The following ARHGAP42 variants were observed in gnomAD, a reference collection of about 807,000 sequenced individuals.
ARHGAP42 encodes Rho GTPase activating protein 42, also known as rho GTPase-activating protein 42.
ARHGAP42 carries 63 observed loss-of-function variants against 125.0 expected under a neutral mutation model. The ratio of observed to expected loss-of-function variants is 0.50; its 90% CI spans 0.41 to 0.62. The LOEUF is 0.62. ARHGAP42 is among the 20% of genes least tolerant of loss of function. The probability of loss-of-function intolerance (pLI) is 0.00; values close to 1 mark genes in which losing one functional copy is unlikely to be tolerated. For synonymous variants in ARHGAP42, 339 were observed against 351.0 expected (o/e 0.97, Z 0.38); for missense variants, 766 against 1,024.2 (o/e 0.75, Z 3.44).
At chr11:100,948,255 A>G (rs1868075752) in intron 10 of ARHGAP42, among the ~76,000 whole-genome samples, 2 of 152,062 alleles carry the variant, frequency 1.3e-5, no homozygotes, top group Non-Finnish European at 2.9e-5. Flanking sequence ...AGAATTAAAA[A>G]CATTTTTTGC....
intron 6 of ARHGAP42, among the ~76,000 whole-genome samples, chr11:100,932,411 T>C (rs556977430): frequency 1.3e-5 from 2 of 152,290 alleles, no homozygotes; most frequent in South Asian, 4.1e-4. Flanking sequence ...ATGAAAATGC[T>C]TAAATTTTTT....
chr11:100,847,319 A>G (rs1352386597), intron 3 of ARHGAP42, among the ~76,000 whole-genome samples: 1 of 152,170 alleles, frequency 6.6e-6, no homozygotes, highest in Non-Finnish European at 1.5e-5. Context: ...TCTGCCATAC[A>G]GGCTCATTCT....
At chr11:100,716,475 C>A (rs1442443250) in intron 1 of ARHGAP42, among the ~76,000 whole-genome samples, 2 of 152,140 alleles carry the variant, frequency 1.3e-5, no homozygotes, top group East Asian at 1.9e-4. Flanking sequence ...AGAAAACGAA[C>A]CAATAGTTTT....
chr11:100,844,012 C>G (rs1865004991), intron 3 of ARHGAP42, among the ~76,000 whole-genome samples: 1 of 152,066 alleles, frequency 6.6e-6, no homozygotes, highest in Non-Finnish European at 1.5e-5. Flanking sequence ...GCAAAAATAA[C>G]AAATCTGGAG....
chr11:100,702,129 T>A (rs564989971), intron 1 of ARHGAP42, among the ~76,000 whole-genome samples: 206 of 151,764 alleles, frequency 1.4e-3, no homozygotes, highest in African/African-American at 4.6e-3. Context: ...AAAAAAAAAA[T>A]AATAATATAA....
At chr11:100,857,083 G>T (rs1012958273) in intron 3 of ARHGAP42, among the ~76,000 whole-genome samples, 1 of 151,904 alleles carries the variant, frequency 6.6e-6, no homozygotes, top group Non-Finnish European at 1.5e-5. Context: ...AGTATTTGAC[G>T]CATTAGAAAC....
chr11:100,826,739 C>T (rs1864522754), intron 3 of ARHGAP42, among the ~76,000 whole-genome samples: 1 of 152,142 alleles, frequency 6.6e-6, no homozygotes, highest in Admixed American at 6.5e-5. Context: ...CTCACCCTCC[C>T]TAAGAAATCC....
chr11:100,765,276 A>C lies in ARHGAP42; in HGVS notation c.155-5067A>C, dbSNP rs1862802991. Reference sequence around the variant, plus strand: ...AGTCCCTGTTCTTAGGGAGTCTTCTAACAACTCTACCCCTACACACTCAAT... The same window carrying C: ...AGTCCCTGTTCTTAGGGAGTCTTCTCACAACTCTACCCCTACACACTCAAT... On this transcript the variant is annotated intron_variant, in intron 1 of 23. Transcript: ENST00000298815. Among the ~76,000 whole-genome samples, 2 of 152,170 alleles carry C rather than the reference A, an allele frequency of 1.3e-5. 1 individual carries two copies. The highest frequency in any genetic ancestry group is 2.9e-5 in the Non-Finnish European group (2 of 68,038).
intron 6 of ARHGAP42, among the ~76,000 whole-genome samples, chr11:100,924,247 G>A (rs886421894): frequency 2.6e-5 from 4 of 152,046 alleles, no homozygotes; most frequent in African/African-American, 9.7e-5. Flanking sequence ...ACAGGGGATA[G>A]TGATTCATGA....
intron 1 of ARHGAP42, among the ~76,000 whole-genome samples, chr11:100,708,056 G>T (rs531063558): frequency 6.6e-6 from 1 of 152,304 alleles, no homozygotes; most frequent in African/African-American, 2.4e-5. Flanking sequence ...TATGGAGATT[G>T]TATATGTATG....
At chr11:100,963,169 CA>C (rs1201492611) in intron 16 of ARHGAP42, among the ~76,000 whole-genome samples, 3 of 152,198 alleles carry the variant, frequency 2.0e-5, no homozygotes, top group Non-Finnish European at 2.9e-5. Flanking sequence ...GGAGATGAGT[CA>C]AATATTTTTG....
intron 21 of ARHGAP42, 134 bp downstream of exon 21, chr11:100,977,105 C>A (rs1011912606): frequency 5.2e-5 from 52 of 990,722 alleles, no homozygotes; most frequent in Non-Finnish European, 7.4e-5. Context: ...GTACAGTCCA[C>A]TTCTGTAAGA....
chr11:100,957,155 C>G (rs189076648), intron 12 of ARHGAP42, among the ~76,000 whole-genome samples: 8 of 152,062 alleles, frequency 5.3e-5, no homozygotes, highest in African/African-American at 1.4e-4. Context: ...GAAACTGAGG[C>G]ACAGAGATCA....
intron 1 of ARHGAP42, among the ~76,000 whole-genome samples, chr11:100,720,785 T>G (rs1861745398): frequency 6.6e-6 from 1 of 152,080 alleles, no homozygotes; most frequent in Admixed American, 6.6e-5. Flanking sequence ...TATTAGGCTT[T>G]TATTTTCTTA....
intron 3 of ARHGAP42, 114 bp from the exon 4 acceptor site, chr11:100,859,440 A>G: frequency 1.2e-6 from 1 of 817,348 alleles, no homozygotes; most frequent in South Asian, 1.9e-5. Flanking sequence ...GTTTTTATAG[A>G]TGCAAACAAA....
chr11:100,732,243 C>T (rs1484190044), intron 1 of ARHGAP42, among the ~76,000 whole-genome samples: 1 of 152,140 alleles, frequency 6.6e-6, no homozygotes, highest in East Asian at 1.9e-4. Flanking sequence ...AGGTGTGAGC[C>T]GCCGTGCCTG....
chr11:100,889,109 C>T (rs907213297), intron 4 of ARHGAP42, among the ~76,000 whole-genome samples: 5 of 152,100 alleles, frequency 3.3e-5, no homozygotes, highest in African/African-American at 1.2e-4. Flanking sequence ...AGCGTGTCGA[C>T]AAAATAAGTG....
At chr11:100,725,860 G>A (rs1182485884) in intron 1 of ARHGAP42, among the ~76,000 whole-genome samples, 1 of 151,220 alleles carries the variant, frequency 6.6e-6, no homozygotes, top group African/African-American at 2.4e-5. Flanking sequence ...GCGCGAACCC[G>A]GGAGGCGGAG....
At position 100,921,622 on chromosome 11, in the gene ARHGAP42, G is replaced by A; in HGVS notation, c.597+18G>A. 7.0e-7 allele frequency: 1 copy of A among 1,436,654 alleles called. No homozygotes were observed. The highest frequency in any genetic ancestry group is 9.5e-7 in the Non-Finnish European group (1 of 1,055,090). The allele number at this position is 1,436,654 out of a possible 1,614,324, so 89.0% of individuals were successfully genotyped here. The stretch of plus-strand genomic sequence containing the variant: ...TTGAACCGGTAAGTTTCAGATTTTT[G>A]TATAAATGGTGGGCTCAAAACAATC... On this transcript the variant is annotated intron_variant, in intron 6 of 23. Coordinates refer to ENST00000298815, the MANE Select transcript of ARHGAP42 (RefSeq NM_152432.4).
Sources: allele counts gnomAD v4.1 joint callset (sites outside exome capture counted in the v4.1 genomes callset), GRCh38; gene constraint gnomAD v4.1.1; transcripts MANE v1.5; gene names NCBI Gene and HGNC (gene_info 2026-07-23, HGNC 2026-07-21).